Variants in SUGT1 observed in about 807,000 individuals in gnomAD.
SUGT1 encodes the protein SGT1 assembly cochaperone of MIS12 kinetochore complex.
SUGT1 carries 15 observed loss-of-function variants against 56.1 expected under a neutral mutation model. The ratio of observed to expected loss-of-function variants is 0.27; its 90% CI spans 0.18 to 0.41. The LOEUF (loss-of-function observed/expected upper bound fraction) is 0.41, where lower values mean the gene tolerates loss of function less well. SUGT1 is among the 10% of genes least tolerant of loss of function. SUGT1 has a pLI of 1.00. For synonymous variants in SUGT1, 123 were observed against 128.6 expected (o/e 0.96, Z 0.30); for missense variants, 347 against 382.2 (o/e 0.91, Z 0.77).
intron 2 of SUGT1, 119 bp downstream of exon 2, chr13:52,653,222 T>G: frequency 8.3e-7 from 1 of 1,198,976 alleles, no homozygotes; most frequent in Non-Finnish European, 1.2e-6. Flanking sequence ...TTGTTGATGC[T>G]GCGTCTCAGC....
intron 10 of SUGT1, among the ~76,000 whole-genome samples, chr13:52,669,753 ACT>A (rs746624698): frequency 6.6e-6 from 1 of 152,112 alleles, no homozygotes; most frequent in Non-Finnish European, 1.5e-5. Flanking sequence ...TAGATTACTA[ACT>A]CTTAAACTAT....
chr13:52,682,494 C>T (rs1963417152), intron 12 of SUGT1, among the ~76,000 whole-genome samples: 1 of 152,228 alleles, frequency 6.6e-6, no homozygotes. Context: ...AGCCACAGCA[C>T]CTGGCCTACA....
chr13:52,660,881 A>G (rs992470995), intron 5 of SUGT1, among the ~76,000 whole-genome samples: 7 of 152,196 alleles, frequency 4.6e-5, no homozygotes, highest in African/African-American at 1.7e-4. Flanking sequence ...ATCTTGGGTC[A>G]CTGCAGCCTC....
Position 52,692,382 on chromosome 13 carries a change from G to C in SUGT1, c.*4547G>C, listed in dbSNP as rs1188280738. On this transcript the variant is annotated 3_prime_UTR_variant, in exon 13 of 13. Transcript: ENST00000310528. Reference sequence around the variant, plus strand: ...ACCAAATCAGCTGACTGGAAATGAAGCAGAGAATATTCAAGTTAAAGAACT... The same window carrying C: ...ACCAAATCAGCTGACTGGAAATGAACCAGAGAATATTCAAGTTAAAGAACT... 2.0e-5 allele frequency: 3 copies of C among 151,594 alleles called. No homozygotes were observed. The highest frequency in any genetic ancestry group is 4.4e-5 in the Non-Finnish European group (3 of 68,028). The allele number at this position is 151,594 out of a possible 1,614,324, so 9.4% of individuals were successfully genotyped here. A position where few individuals can be genotyped will look rare whatever the true frequency, so the allele number is the denominator to read the frequency against.
chr13:52,670,534 C>T (rs369649055), intron 10 of SUGT1, among the ~76,000 whole-genome samples: 15 of 152,242 alleles, frequency 9.9e-5, no homozygotes, highest in South Asian at 4.1e-4. Flanking sequence ...AAGTCGGGCA[C>T]GGTGGGTCAT....
intron 10 of SUGT1, among the ~76,000 whole-genome samples, chr13:52,668,352 C>T (rs1566184853): frequency 6.6e-6 from 1 of 152,082 alleles, no homozygotes; most frequent in African/African-American, 2.4e-5. Flanking sequence ...GCTCTAAGGA[C>T]ATGTGAAGTT....
chr13:52,658,395 A>G lies in SUGT1; in HGVS notation c.188-4A>G, dbSNP rs144266885. 2.9e-5 allele frequency: 47 copies of G among 1,611,936 alleles called. No individual in the cohort carries two copies. The highest frequency in any genetic ancestry group is 4.0e-5 in the Non-Finnish European group (47 of 1,179,444). On this transcript the variant is annotated splice_region_variant and splice_polypyrimidine_tract_variant and intron_variant, in intron 3 of 12. Transcript: ENST00000310528. ...TGACTAAAAACCCGTCTTTTTCTAC[A>G]CAGTTGCTGTTGCTGATGCAAAGAA...
rs1368046972 is a variant in SUGT1, at chr13:52,658,403, T to C, written c.192T>C (p.Ala64=). 2 of 1,612,980 alleles carry C rather than the reference T, an allele frequency of 1.2e-6. No individual in the cohort carries two copies. The highest frequency in any genetic ancestry group is 2.2e-5 in the East Asian group (1 of 44,784). The change falls in exon 4 of 13, where the codon GCT becomes GCC. Residue 64 remains alanine (A), a synonymous_variant. Transcript: ENST00000310528. ...AACCCGTCTTTTTCTACACAGTTGC[T>C]GTTGCTGATGCAAAGAAGTCTCTAG... ...CHILLGNYCV[A]VADAKKSLEL... is the part of the protein sequence containing the mutation.
chr13:52,689,027 A>G lies in SUGT1; in HGVS notation c.*1192A>G, dbSNP rs1963693245. 1 of 152,168 alleles carries G rather than the reference A, an allele frequency of 6.6e-6. No individual in the cohort carries two copies. The highest frequency in any genetic ancestry group is 1.5e-5 in the Non-Finnish European group (1 of 68,030). 9.4% of individuals were successfully genotyped at this position (152,168 alleles called of 1,614,324 possible). A position where few individuals can be genotyped will look rare whatever the true frequency, so the allele number is the denominator to read the frequency against. ...GTCTCAGCTCTGTTAGGTGTCACTA[A>G]CATTTTTATGGCAAAGCACTACTCT... On this transcript the variant is annotated 3_prime_UTR_variant, in exon 13 of 13. Transcript: ENST00000310528.
chr13:52,657,644 A>C, intron 3 of SUGT1, 22 bp downstream of exon 3: 1 of 1,587,754 alleles, frequency 6.3e-7, no homozygotes, highest in South Asian at 1.1e-5. Flanking sequence ...TATAAAGTAT[A>C]TTGCCCCCTT....
Position 52,689,853 on chromosome 13 carries a change from C to T in SUGT1, c.*2018C>T, listed in dbSNP as rs538119170. On this transcript the variant is annotated 3_prime_UTR_variant, in exon 13 of 13. Coordinates refer to ENST00000310528, the MANE Select transcript of SUGT1 (RefSeq NM_006704.5). Reference sequence around the variant, plus strand: ...GTGTAGTGGCATGCACCTGTAGTCCCAGCTACTTGGGAGGCTCAGGCAGGG... The same window carrying T: ...GTGTAGTGGCATGCACCTGTAGTCCTAGCTACTTGGGAGGCTCAGGCAGGG... 1 of 151,992 alleles carries T rather than the reference C, an allele frequency of 6.6e-6. No individual in the cohort carries two copies. The highest frequency in any genetic ancestry group is 6.6e-5 in the Admixed American group (1 of 15,248). The allele number at this position is 151,992 out of a possible 1,614,324, so 9.4% of individuals were successfully genotyped here.
chr13:52,661,605 A>G (rs766008325), intron 5 of SUGT1: 7 of 418,954 alleles, frequency 1.7e-5, no homozygotes, highest in South Asian at 1.1e-4. Context: ...AATCTGGGAA[A>G]AAGTTAAGTT....
intron 2 of SUGT1, among the ~76,000 whole-genome samples, chr13:52,655,591 A>G (rs1247380322): frequency 6.6e-6 from 1 of 152,076 alleles, no homozygotes; most frequent in East Asian, 1.9e-4. Context: ...GTTTTATGTA[A>G]AATGCACCGG....
intron 10 of SUGT1, among the ~76,000 whole-genome samples, chr13:52,671,062 T>C (rs140030243): frequency 2.1e-3 from 316 of 152,108 alleles, no homozygotes; most frequent in African/African-American, 5.8e-3. Context: ...GAAGAATATA[T>C]GTATGTTAAA....
At chr13:52,657,474 T>C in intron 2 of SUGT1, 58 bp from the exon 3 acceptor site, 1 of 1,408,792 alleles carries the variant, frequency 7.1e-7, no homozygotes, top group Non-Finnish European at 1.0e-6. Flanking sequence ...ATGTTTTAAT[T>C]AGAATTTGAT....
At chr13:52,683,492 T>C (rs2138172709) in intron 12 of SUGT1, among the ~76,000 whole-genome samples, 1 of 152,358 alleles carries the variant, frequency 6.6e-6, no homozygotes. Flanking sequence ...CTCTTAATTC[T>C]ATCTTCTAAT....
At chr13:52,674,500 T>C (rs1963067155) in intron 10 of SUGT1, among the ~76,000 whole-genome samples, 1 of 152,208 alleles carries the variant, frequency 6.6e-6, no homozygotes, top group Admixed American at 6.5e-5. Flanking sequence ...TGGCAGTTTT[T>C]CCCTGTGTTA....
At chr13:52,654,752 G>C (rs1962078048) in intron 2 of SUGT1, among the ~76,000 whole-genome samples, 1 of 152,330 alleles carries the variant, frequency 6.6e-6, no homozygotes, top group Non-Finnish European at 1.5e-5. Flanking sequence ...CATTCATATT[G>C]TGTGAAGTAG....
intron 3 of SUGT1, chr13:52,658,107 T>C (rs1353557110): frequency 7.7e-7 from 1 of 1,299,718 alleles, no homozygotes; most frequent in Admixed American, 3.2e-5. Context: ...AGGGAAAAAC[T>C]GAATACCTTG....
Sources: allele counts gnomAD v4.1 joint callset (sites outside exome capture counted in the v4.1 genomes callset), GRCh38; gene constraint gnomAD v4.1.1; transcripts MANE v1.5; gene names NCBI Gene and HGNC (gene_info 2026-07-23, HGNC 2026-07-21).